MAPRE2: variants seen among roughly 807,000 people sequenced by gnomAD.
The protein encoded by MAPRE2 is microtubule-associated protein RP/EB family member 2.
MAPRE2 carries 13 observed loss-of-function variants against 43.2 expected under a neutral mutation model. The ratio of observed to expected loss-of-function variants is 0.30; its 90% CI spans 0.20 to 0.48. The LOEUF is 0.48. Among genes scored for constraint, MAPRE2 ranks in the 20% least tolerant of loss-of-function variants. The probability of loss-of-function intolerance (pLI) is 0.99; values close to 1 mark genes in which losing one functional copy is unlikely to be tolerated. For synonymous variants in MAPRE2, 135 were observed against 148.8 expected, an observed-to-expected ratio of 0.91 and a Z score of 0.68; for missense variants, 161 against 400.2, an observed-to-expected ratio of 0.40 and a Z score of 5.10.
At chr18:35,008,798 C>T (rs1160862696) in intron 2 of MAPRE2, among the ~76,000 whole-genome samples, 1 of 152,004 alleles carries the variant, frequency 6.6e-6, no homozygotes, top group Non-Finnish European at 1.5e-5. Flanking sequence ...ATCTAGTTTA[C>T]TATATTTTTC....
At chr18:35,098,136 A>G (rs1185610946) in intron 3 of MAPRE2, among the ~76,000 whole-genome samples, 1 of 152,144 alleles carries the variant, frequency 6.6e-6, no homozygotes, top group African/African-American at 2.4e-5. Flanking sequence ...TCTCCCATGA[A>G]TTATACTTTT....
chr18:34,999,825 G>A (rs1197666937), intron 1 of MAPRE2, among the ~76,000 whole-genome samples: 3 of 152,120 alleles, frequency 2.0e-5, no homozygotes, highest in South Asian at 2.1e-4. Flanking sequence ...TGTGTGCTCA[G>A]CTCTGTGCTT....
chr18:35,001,739 C>T (rs2097029475), intron 1 of MAPRE2, among the ~76,000 whole-genome samples: 1 of 151,780 alleles, frequency 6.6e-6, no homozygotes, highest in Non-Finnish European at 1.5e-5. Flanking sequence ...TGGATCTGTG[C>T]AAAATGGAGC....
At chr18:35,077,311 A>G (rs943816225) in intron 2 of MAPRE2, among the ~76,000 whole-genome samples, 1 of 151,974 alleles carries the variant, frequency 6.6e-6, no homozygotes, top group Non-Finnish European at 1.5e-5. Context: ...AAGCAGTACC[A>G]TTAGTGGGAA....
At chr18:35,038,026 A>C (rs759242921), upstream of MAPRE2, among the ~76,000 whole-genome samples, 51 of 152,106 alleles carry the variant, frequency 3.4e-4, no homozygotes, top group Non-Finnish European at 6.0e-4. Flanking sequence ...GTCTATGCTG[A>C]CCCCTACAGC....
upstream of MAPRE2, among the ~76,000 whole-genome samples, chr18:35,041,120 G>A (rs972088813): frequency 6.6e-6 from 1 of 152,194 alleles, no homozygotes; most frequent in Non-Finnish European, 1.5e-5. Context: ...GTGGCAGCAC[G>A]GGTCGGAAAG....
intron 6 of MAPRE2, among the ~76,000 whole-genome samples, chr18:35,133,452 T>C (rs1026565595): frequency 6.6e-6 from 1 of 152,132 alleles, no homozygotes; most frequent in Non-Finnish European, 1.5e-5. Flanking sequence ...GTGTCACATA[T>C]ATGACGTCCT....
chr18:35,095,363 TACACACACAC>T (rs34361204), intron 2 of MAPRE2, among the ~76,000 whole-genome samples: 22 of 136,164 alleles, frequency 1.6e-4, no homozygotes, highest in Admixed American at 5.1e-4. Context: ...TTTAAGAAAA[TACACACACAC>T]ACACACACAC....
chr18:35,075,504 T>C (rs765867870), intron 2 of MAPRE2, among the ~76,000 whole-genome samples: 1 of 152,234 alleles, frequency 6.6e-6, no homozygotes, highest in Non-Finnish European at 1.5e-5. Context: ...TCAGTGTCTG[T>C]AAGCATAAGA....
intron 1 of MAPRE2, among the ~76,000 whole-genome samples, chr18:35,063,654 C>T (rs970830833): frequency 6.6e-6 from 1 of 151,988 alleles, no homozygotes; most frequent in African/African-American, 2.4e-5. Context: ...ATGAACTTGC[C>T]TGAATTTGGG....
chr18:35,129,144 T>C (rs1228302254), intron 5 of MAPRE2, among the ~76,000 whole-genome samples: 1 of 152,220 alleles, frequency 6.6e-6, no homozygotes, highest in Non-Finnish European at 1.5e-5. Flanking sequence ...CACCGAGGAA[T>C]GTGCCTGCCC....
At chr18:34,996,206 G>A (rs537295087) in intron 1 of MAPRE2, among the ~76,000 whole-genome samples, 30 of 152,066 alleles carry the variant, frequency 2.0e-4, no homozygotes, top group Admixed American at 5.2e-4. Context: ...TTATTACCTC[G>A]GCGGTCCTAA....
intron 2 of MAPRE2, among the ~76,000 whole-genome samples, chr18:35,014,219 G>A (rs1472351322): frequency 6.6e-6 from 1 of 152,080 alleles, no homozygotes; most frequent in Non-Finnish European, 1.5e-5. Flanking sequence ...GGAAGAGAAG[G>A]TGGTAGGGTC....
In MAPRE2 at chr18:35,097,447, AGCGGCCTATT is replaced by A; in HGVS notation, c.255_264del (p.Ala86AsnfsTer13). 1.2e-6 allele frequency: 2 copies of A among 1,613,632 alleles called. No individual in the cohort carries two copies. The highest frequency in any genetic ancestry group is 1.7e-6 in the Non-Finnish European group (2 of 1,179,736). On this transcript the variant is annotated frameshift_variant and splice_region_variant, in exon 3 of 7. Coordinates refer to ENST00000300249, the MANE Select transcript of MAPRE2 (RefSeq NM_014268.4). LOFTEE classifies it high-confidence loss of function. ...AGTACTGTTCTTGTTTCTTTCCAGG[AGCGGCCTATT>A]GCCAATTCATGGACATGCTCTTCCC...
intron 3 of MAPRE2, among the ~76,000 whole-genome samples, chr18:35,100,346 A>G (rs1908617922): frequency 6.6e-6 from 1 of 152,258 alleles, no homozygotes; most frequent in Non-Finnish European, 1.5e-5. Context: ...TGTAGAGAAA[A>G]GGGAATGCTT....
intron 1 of MAPRE2, chr18:35,005,387 C>A: frequency 1.7e-6 from 1 of 581,946 alleles, no homozygotes; most frequent in Non-Finnish European, 3.0e-6. Context: ...TTAATTTTTT[C>A]CATTGCTGGC....
intron 1 of MAPRE2, among the ~76,000 whole-genome samples, chr18:35,044,821 A>G (rs943463375): frequency 6.6e-6 from 1 of 152,180 alleles, no homozygotes; most frequent in African/African-American, 2.4e-5. Context: ...AGAAGGAGAC[A>G]TTACTGTTAT....
At chr18:34,983,076 C>T (rs1277864608) in intron 1 of MAPRE2, among the ~76,000 whole-genome samples, 1 of 152,104 alleles carries the variant, frequency 6.6e-6, no homozygotes, top group Non-Finnish European at 1.5e-5. Context: ...CTACTGCAGA[C>T]CTCTGATTTA....
intron 2 of MAPRE2, among the ~76,000 whole-genome samples, chr18:35,073,027 A>G (rs914767383): frequency 2.0e-5 from 3 of 152,166 alleles, no homozygotes; most frequent in African/African-American, 4.8e-5. Context: ...TATAGACTCT[A>G]TTCTTTTATA....
Sources: gnomAD v4.1 joint callset for allele counts (sites outside exome capture counted in the v4.1 genomes callset) on GRCh38, gnomAD v4.1.1 for gene constraint, MANE v1.5 for transcripts, NCBI Gene and HGNC (gene_info 2026-07-23, HGNC 2026-07-21) for gene names.